IFNG-AS1: variants seen among roughly 807,000 people sequenced by gnomAD.
IFNG-AS1 encodes IFNG antisense RNA 1 (non-protein coding).
chr12:68,014,498 G>A (rs142665317), intron 3 of IFNG-AS1, among the ~76,000 whole-genome samples: 1 of 152,184 alleles, frequency 6.6e-6, no homozygotes, highest in Non-Finnish European at 1.5e-5. Context: ...GCAGGGGTAA[G>A]ATGGTATCAT....
At chr12:67,990,100 T>A (rs987006447) in intron 1 of IFNG-AS1, among the ~76,000 whole-genome samples, 2 of 152,228 alleles carry the variant, frequency 1.3e-5, no homozygotes, top group Non-Finnish European at 1.5e-5. Context: ...GGTGATTTTT[T>A]AATTGTAATT....
intron 3 of IFNG-AS1, among the ~76,000 whole-genome samples, chr12:68,015,874 C>T (rs1236671724): frequency 1.3e-5 from 2 of 152,042 alleles, no homozygotes; most frequent in South Asian, 2.1e-4. Context: ...TTGCCACTTA[C>T]TAGCTGTAAC....
chr12:67,996,720 G>A (rs943099041), intron 2 of IFNG-AS1, among the ~76,000 whole-genome samples: 1 of 152,130 alleles, frequency 6.6e-6, no homozygotes, highest in African/African-American at 2.4e-5. Context: ...AATATGCAGT[G>A]GTTAATAACA....
intron 3 of IFNG-AS1, among the ~76,000 whole-genome samples, chr12:68,015,222 A>C: frequency 6.6e-6 from 1 of 152,158 alleles, no homozygotes; most frequent in East Asian, 1.9e-4. Context: ...CAGGGGCTTC[A>C]ACTCGGGGCT....
At chr12:67,993,781 A>C (rs1451727717) in intron 1 of IFNG-AS1, among the ~76,000 whole-genome samples, 1 of 152,220 alleles carries the variant, frequency 6.6e-6, no homozygotes. Flanking sequence ...AATTTAATAT[A>C]TTCAGTTACT....
chr12:67,999,282 G>C (rs1275895906), intron 2 of IFNG-AS1, among the ~76,000 whole-genome samples: 2 of 152,116 alleles, frequency 1.3e-5, no homozygotes, highest in African/African-American at 4.8e-5. Context: ...TGTCTGATGA[G>C]AGGGCCTAAA....
intron 4 of IFNG-AS1, chr12:68,020,881 G>A (rs1880271256): frequency 1.3e-5 from 2 of 152,146 alleles, no homozygotes; most frequent in Admixed American, 6.5e-5. Flanking sequence ...GGTAGGGTGG[G>A]AGTGTTTCAA....
chr12:68,009,702 A>G (rs899671839), intron 3 of IFNG-AS1, among the ~76,000 whole-genome samples: 2 of 152,236 alleles, frequency 1.3e-5, no homozygotes, highest in East Asian at 3.9e-4. Context: ...CTCTCATAAA[A>G]GTTCCTGGGC....
intron 2 of IFNG-AS1, among the ~76,000 whole-genome samples, chr12:67,996,631 A>G (rs1448881334): frequency 6.6e-6 from 1 of 152,170 alleles, no homozygotes. Flanking sequence ...ACAAAGAAGG[A>G]TGGAGAATGA....
chr12:68,003,425 CTTT>C (rs755483588), intron 2 of IFNG-AS1, among the ~76,000 whole-genome samples: 2 of 142,706 alleles, frequency 1.4e-5, no homozygotes, highest in Non-Finnish European at 1.5e-5. Context: ...ATATTCCCCC[CTTT>C]TTTTTTTTTT....
At chr12:68,004,996 T>C (rs1452234096) in intron 2 of IFNG-AS1, among the ~76,000 whole-genome samples, 1 of 152,206 alleles carries the variant, frequency 6.6e-6, no homozygotes, top group Non-Finnish European at 1.5e-5. Context: ...ACATATCCTC[T>C]TTTCATATCC....
intron 3 of IFNG-AS1, among the ~76,000 whole-genome samples, chr12:68,012,053 G>A (rs1265659212): frequency 6.6e-6 from 1 of 152,094 alleles, no homozygotes; most frequent in Non-Finnish European, 1.5e-5. Flanking sequence ...AATGAAAAAA[G>A]CCCGCCTCCT....
rs552463838 is a variant in IFNG-AS1 at position 67,995,733 on chromosome 12, A to G, written n.52-208A>G. ...TGAGACTCGGTCTCCAAAAAAAAAA[A>G]AAAAGAAAAGAAAAGAAATGGCAGG... On this transcript the variant is annotated intron_variant and non_coding_transcript_variant, in intron 1 of 5. Transcript: ENST00000536914. Among the ~76,000 whole-genome samples the G allele has an allele frequency of 2.1e-4, 32 of 151,948 alleles. No individual in the cohort carries two copies. In the South Asian group the frequency reaches 4.2e-3, roughly 20 times the overall value.
chr12:68,007,533 A>G (rs1295406270), intron 3 of IFNG-AS1, among the ~76,000 whole-genome samples: 6 of 152,206 alleles, frequency 3.9e-5, no homozygotes, highest in South Asian at 2.1e-4. Flanking sequence ...TCAATTTTAA[A>G]CTGAAAAAAT....
At chr12:68,003,354 C>T (rs1334583812) in intron 2 of IFNG-AS1, among the ~76,000 whole-genome samples, 1 of 151,886 alleles carries the variant, frequency 6.6e-6, no homozygotes, top group Non-Finnish European at 1.5e-5. Flanking sequence ...TGAGTGAGTC[C>T]CAGAGGAAAA....
intron 3 of IFNG-AS1, among the ~76,000 whole-genome samples, chr12:68,014,795 G>GACAC (rs10618483): frequency 6.6e-6 from 1 of 150,964 alleles, no homozygotes; most frequent in Non-Finnish European, 1.5e-5. Flanking sequence ...CACACACACA[G>GACAC]ACACACACAC....
At chr12:68,006,478 G>A (rs953927661) in intron 3 of IFNG-AS1, among the ~76,000 whole-genome samples, 2 of 152,120 alleles carry the variant, frequency 1.3e-5, no homozygotes, top group African/African-American at 4.8e-5. Context: ...CATGAAGGAA[G>A]GGATCAGACA....
chr12:68,012,949 AG>A (rs1416035408), intron 3 of IFNG-AS1, among the ~76,000 whole-genome samples: 1 of 152,216 alleles, frequency 6.6e-6, no homozygotes, highest in South Asian at 2.1e-4. Flanking sequence ...GGAAGCATGA[AG>A]TGGCAAAAGA....
At chr12:67,995,385 C>G (rs1009440062) in intron 1 of IFNG-AS1, among the ~76,000 whole-genome samples, 1 of 138,914 alleles carries the variant, frequency 7.2e-6, no homozygotes, top group Admixed American at 7.8e-5. Flanking sequence ...TGTGCCACTG[C>G]ACTCCAGCCT....
Sources: gnomAD v4.1 joint callset for allele counts (sites outside exome capture counted in the v4.1 genomes callset) on GRCh38, gnomAD v4.1.1 for gene constraint, MANE v1.5 for transcripts, NCBI Gene and HGNC (gene_info 2026-07-23, HGNC 2026-07-21) for gene names.